The following CGNL1 variants were observed in gnomAD, a reference collection of about 807,000 sequenced individuals.
CGNL1 encodes cingulin like 1, also known as cingulin-like protein 1.
CGNL1 carries 132 observed loss-of-function variants against 141.2 expected under a neutral mutation model. That is an observed-to-expected ratio of 0.93 (90% CI 0.81 to 1.08). The LOEUF is 1.08. CGNL1 is among the 50% of genes least tolerant of loss of function. The pLI is 0.00. For missense variants in CGNL1, 1,870 were observed against 1,588.6 expected (o/e 1.18, Z -3.01); for synonymous variants, 690 against 622.1 (o/e 1.11, Z -1.63).
chr15:57,441,048 C>T (rs2063180144), intron 3 of CGNL1, among the ~76,000 whole-genome samples: 1 of 136,374 alleles, frequency 7.3e-6, no homozygotes, highest in Admixed American at 7.7e-5. Flanking sequence ...TCAGTTCTCT[C>T]AACAGATGTG....
Position 57,523,600 on chromosome 15 carries a change from C to T in CGNL1, c.2827C>T (p.Arg943Trp), listed in dbSNP as rs778467834. The T allele has an allele frequency of 6.1e-5, 99 of 1,613,926 alleles. No individual in the cohort carries two copies. Among genetic ancestry groups the T allele is most frequent in the Non-Finnish European group, 8.0e-5 (94 of 1,180,014 alleles). Residue 943 changes from arginine (R) to tryptophan (W), a missense_variant, in exon 11 of 19, where the codon CGG becomes TGG. By Grantham distance (101) the Arg-to-Trp change is moderately radical (BLOSUM62 -3). Coordinates refer to ENST00000281282, the MANE Select transcript of CGNL1 (RefSeq NM_032866.5). The part of the protein sequence containing the change: ...RRLKNEMENE[R>W]WHLGKTIEKL... The stretch of plus-strand genomic sequence containing the variant: ...GTTGAAGAACGAGATGGAGAATGAG[C>T]GGTGGCACCTGGGCAAAACCATTGA...
Position 57,379,560 on chromosome 15 carries a change from A to G in CGNL1, c.-16+2993A>G, listed in dbSNP as rs1419809631. On this transcript the variant is annotated intron_variant, in intron 1 of 18. Coordinates refer to ENST00000281282, the MANE Select transcript of CGNL1 (RefSeq NM_032866.5). ...CTAACTCTCTTTCCCCGTGAAACCC[A>G]TTTATCTAAGAGATGCCATTGGCCT... 2.0e-5 allele frequency among the ~76,000 whole-genome samples: 3 copies of G among 152,284 alleles called. No individual in the cohort carries two copies. In the East Asian group the frequency reaches 5.8e-4, roughly 29 times the overall value.
At chr15:57,454,132 A>T (rs2063352617) in intron 7 of CGNL1, among the ~76,000 whole-genome samples, 1 of 152,186 alleles carries the variant, frequency 6.6e-6, no homozygotes, top group Admixed American at 6.5e-5. Flanking sequence ...GGGAATAAGT[A>T]TAATTGAGGG....
At chr15:57,445,983 A>G (rs1164024599) in intron 4 of CGNL1, among the ~76,000 whole-genome samples, 1 of 152,234 alleles carries the variant, frequency 6.6e-6, no homozygotes, top group African/African-American at 2.4e-5. Context: ...ATCTAAAAGG[A>G]GAAAGCCAAT....
intron 8 of CGNL1, among the ~76,000 whole-genome samples, chr15:57,489,355 T>C (rs7176389): frequency 6.6e-6 from 1 of 152,154 alleles, no homozygotes; most frequent in Non-Finnish European, 1.5e-5. Context: ...TATTTAGTTA[T>C]CATGTCAGGT....
At chr15:57,419,041 C>G (rs184876629) in intron 1 of CGNL1, among the ~76,000 whole-genome samples, 4 of 152,046 alleles carry the variant, frequency 2.6e-5, no homozygotes, top group Admixed American at 2.0e-4. Context: ...AATTCTCCTT[C>G]CTGCCTCAGC....
intron 10 of CGNL1, among the ~76,000 whole-genome samples, chr15:57,519,382 A>G (rs1194025454): frequency 6.6e-6 from 1 of 152,134 alleles, no homozygotes; most frequent in African/African-American, 2.4e-5. Context: ...TCAGGTTCAG[A>G]TTTGTAAATG....
At chr15:57,411,197 T>C (rs1207508138) in intron 1 of CGNL1, among the ~76,000 whole-genome samples, 3 of 152,184 alleles carry the variant, frequency 2.0e-5, no homozygotes, top group Non-Finnish European at 2.9e-5. Flanking sequence ...GAGTCTTCCT[T>C]TTTAGAATAC....
chr15:57,527,598 G>C (rs2031692073), intron 12 of CGNL1: 1 of 152,296 alleles, frequency 6.6e-6, no homozygotes, highest in South Asian at 2.1e-4. Context: ...TCCCCAGGGA[G>C]CTTCTAGAGA....
Position 57,523,614 on chromosome 15 carries a change from CAAA to C in CGNL1, c.2843_2845del (p.Lys948del). On this transcript the variant is annotated inframe_deletion, in exon 11 of 19. Transcript: ENST00000281282. Reference sequence around the variant, plus strand: ...TGGAGAATGAGCGGTGGCACCTGGGCAAAACCATTGAGAAACTGCAGAAGGAGG... The same window carrying C: ...TGGAGAATGAGCGGTGGCACCTGGGCACCATTGAGAAACTGCAGAAGGAGG... 1.9e-6 allele frequency: 3 copies of C among 1,614,044 alleles called. No homozygotes were observed. Among genetic ancestry groups the C allele is most frequent in the Non-Finnish European group, 2.5e-6 (3 of 1,180,002 alleles).
chr15:57,391,980 C>A (rs987051402), intron 1 of CGNL1, among the ~76,000 whole-genome samples: 11 of 151,490 alleles, frequency 7.3e-5, no homozygotes, highest in Non-Finnish European at 1.6e-4. Context: ...CTTTCCCCCC[C>A]CTCACCTGAC....
At chr15:57,499,972 T>C (rs1420692425) in intron 8 of CGNL1, among the ~76,000 whole-genome samples, 1 of 152,122 alleles carries the variant, frequency 6.6e-6, no homozygotes, top group Non-Finnish European at 1.5e-5. Flanking sequence ...CTCTGAGCTG[T>C]GTCATGGTGG....
chr15:57,509,246 G>T (rs546298536), intron 8 of CGNL1, among the ~76,000 whole-genome samples: 2 of 152,282 alleles, frequency 1.3e-5, no homozygotes, highest in East Asian at 1.9e-4. Context: ...CTGGAGCGTG[G>T]GGGTGGCCAG....
At chr15:57,454,781 T>G (rs1820731080) in intron 7 of CGNL1, among the ~76,000 whole-genome samples, 1 of 152,182 alleles carries the variant, frequency 6.6e-6, no homozygotes, top group South Asian at 2.1e-4. Flanking sequence ...ACCACCACAT[T>G]CTTGGTATAA....
chr15:57,524,446 A>T, intron 11 of CGNL1, 135 bp from the exon 12 acceptor site: 3 of 811,366 alleles, frequency 3.7e-6, no homozygotes, highest in Non-Finnish European at 3.9e-6. Flanking sequence ...CTGACTCAGG[A>T]TCAGGTGCTG....
intron 8 of CGNL1, among the ~76,000 whole-genome samples, chr15:57,488,360 T>C (rs550765102): frequency 6.6e-6 from 1 of 152,350 alleles, no homozygotes; most frequent in South Asian, 2.1e-4. Context: ...CTTTTCACTT[T>C]TTAAATGCTA....
chr15:57,411,344 A>C (rs2062784581), intron 1 of CGNL1, among the ~76,000 whole-genome samples: 1 of 151,924 alleles, frequency 6.6e-6, no homozygotes, highest in Non-Finnish European at 1.5e-5. Flanking sequence ...GGGAGTCAAA[A>C]CCAGATCTGG....
chr15:57,503,170 G>A (rs1176974230), intron 8 of CGNL1, among the ~76,000 whole-genome samples: 1 of 152,198 alleles, frequency 6.6e-6, no homozygotes, highest in Non-Finnish European at 1.5e-5. Flanking sequence ...GGCCAGGCGG[G>A]GGCTGCCAGG....
chr15:57,453,950 G>C (rs890580274), intron 7 of CGNL1, 132 bp downstream of exon 7: 2 of 968,414 alleles, frequency 2.1e-6, no homozygotes. Flanking sequence ...TATGATCTGT[G>C]AGTCAGTGGA....
Sources: allele counts gnomAD v4.1 joint callset (sites outside exome capture counted in the v4.1 genomes callset), GRCh38; gene constraint gnomAD v4.1.1; transcripts MANE v1.5; gene names NCBI Gene and HGNC (gene_info 2026-07-23, HGNC 2026-07-21).